The following KCTD16 variants were observed in gnomAD, a reference collection of about 807,000 sequenced individuals.
KCTD16 encodes BTB/POZ domain-containing protein KCTD16.
KCTD16 carries 13 observed loss-of-function variants against 33.2 expected under a neutral mutation model. The ratio of observed to expected loss-of-function variants is 0.39; its 90% CI spans 0.25 to 0.62. KCTD16 has a LOEUF of 0.62. KCTD16 is among the 20% of genes least tolerant of loss of function. KCTD16 has a pLI of 0.50. For synonymous variants in KCTD16, 197 were observed against 195.3 expected (o/e 1.01, Z -0.07); for missense variants, 441 against 525.1 (o/e 0.84, Z 1.57).
chr5:144,391,978 C>T (rs756325009), intron 3 of KCTD16, among the ~76,000 whole-genome samples: 2 of 152,088 alleles, frequency 1.3e-5, no homozygotes, highest in Admixed American at 6.6e-5. Context: ...GGGGAAAAAA[C>T]CATTATTTCT....
intron 3 of KCTD16, among the ~76,000 whole-genome samples, chr5:144,210,817 C>A (rs965473449): frequency 6.6e-6 from 1 of 152,126 alleles, no homozygotes; most frequent in Non-Finnish European, 1.5e-5. Flanking sequence ...CATAAGCCTA[C>A]TCATGAGTGA....
At chr5:144,273,675 A>G (rs1018126139) in intron 3 of KCTD16, among the ~76,000 whole-genome samples, 2 of 152,050 alleles carry the variant, frequency 1.3e-5, no homozygotes, top group Non-Finnish European at 1.5e-5. Context: ...GCTAGTCACA[A>G]AAAGACAAAT....
At chr5:144,404,177 G>A (rs141906136) in intron 3 of KCTD16, among the ~76,000 whole-genome samples, 269 of 152,236 alleles carry the variant, frequency 1.8e-3, no homozygotes, top group African/African-American at 6.1e-3. Context: ...GTAAGAGGAT[G>A]GAAGAAAAGA....
chr5:144,393,437 C>T (rs987606065), intron 3 of KCTD16, among the ~76,000 whole-genome samples: 3 of 152,046 alleles, frequency 2.0e-5, no homozygotes, highest in East Asian at 1.9e-4. Flanking sequence ...ATTATTAAGA[C>T]GCTGGTCAGG....
At chr5:144,366,734 A>C (rs1022681792) in intron 3 of KCTD16, among the ~76,000 whole-genome samples, 1 of 152,196 alleles carries the variant, frequency 6.6e-6, no homozygotes, top group African/African-American at 2.4e-5. Context: ...GCAAACCAAG[A>C]TCAGCCATAT....
intron 3 of KCTD16, among the ~76,000 whole-genome samples, chr5:144,413,431 T>C (rs1752977619): frequency 6.6e-6 from 1 of 152,228 alleles, no homozygotes; most frequent in Non-Finnish European, 1.5e-5. Flanking sequence ...TTATACAAGA[T>C]TTTTTAATCC....
intron 3 of KCTD16, among the ~76,000 whole-genome samples, chr5:144,454,572 T>A (rs1245596059): frequency 1.3e-5 from 2 of 152,206 alleles, no homozygotes; most frequent in Admixed American, 1.3e-4. Flanking sequence ...AGTTTGTGGT[T>A]AGGTTTCTAA....
intron 3 of KCTD16, among the ~76,000 whole-genome samples, chr5:144,269,562 T>A (rs1755238482): frequency 6.6e-6 from 1 of 152,074 alleles, no homozygotes; most frequent in South Asian, 2.1e-4. Flanking sequence ...GAGGAAATTT[T>A]TACTACTAGA....
At chr5:144,179,269 C>T (rs1426519017) in intron 2 of KCTD16, among the ~76,000 whole-genome samples, 1 of 152,172 alleles carries the variant, frequency 6.6e-6, no homozygotes, top group African/African-American at 2.4e-5. Context: ...GTTCCCCTAT[C>T]AGCCACCCCA....
chr5:144,469,985 A>C (rs1401364845), intron 3 of KCTD16, among the ~76,000 whole-genome samples: 1 of 151,000 alleles, frequency 6.6e-6, no homozygotes, highest in East Asian at 1.9e-4. Context: ...AATAAATCAG[A>C]CTTTTCTTGG....
At chr5:144,250,574 G>A (rs186438801) in intron 3 of KCTD16, among the ~76,000 whole-genome samples, 38 of 152,268 alleles carry the variant, frequency 2.5e-4, no homozygotes, top group Admixed American at 5.9e-4. Context: ...AGTTTAGTAG[G>A]CAATTTACAT....
chr5:144,452,496 AG>A (rs1230961795), intron 3 of KCTD16, among the ~76,000 whole-genome samples: 1 of 152,026 alleles, frequency 6.6e-6, no homozygotes, highest in Non-Finnish European at 1.5e-5. Flanking sequence ...AGCAAGAGAC[AG>A]GTGAGAGGGG....
intron 3 of KCTD16, among the ~76,000 whole-genome samples, chr5:144,451,649 G>A (rs1465930467): frequency 6.6e-6 from 1 of 151,980 alleles, no homozygotes; most frequent in Non-Finnish European, 1.5e-5. Context: ...CAGAAACTCA[G>A]GCATTTTATT....
intron 3 of KCTD16, among the ~76,000 whole-genome samples, chr5:144,314,657 A>C (rs180802181): frequency 3.7e-4 from 57 of 152,198 alleles, no homozygotes; most frequent in Non-Finnish European, 7.8e-4. Flanking sequence ...GAATCCAGCT[A>C]TGTTCTTCTC....
chr5:144,286,555 T>TGG (rs1755751392), intron 3 of KCTD16, among the ~76,000 whole-genome samples: 1 of 152,230 alleles, frequency 6.6e-6, no homozygotes, highest in Admixed American at 6.5e-5. Context: ...CTGTGAGGGA[T>TGG]GTTACTACTG....
At chr5:144,218,460 C>T (rs1468034896) in intron 3 of KCTD16, among the ~76,000 whole-genome samples, 1 of 152,050 alleles carries the variant, frequency 6.6e-6, no homozygotes, top group East Asian at 1.9e-4. Flanking sequence ...TATTAACAAT[C>T]CTTTTATTTC....
At chr5:144,418,943 AC>A (rs1480343887) in intron 3 of KCTD16, among the ~76,000 whole-genome samples, 2 of 151,980 alleles carry the variant, frequency 1.3e-5, no homozygotes, top group African/African-American at 4.8e-5. Context: ...GGAACACAGA[AC>A]CTTTGACCCC....
chr5:144,345,706 T>A (rs1404678882), intron 3 of KCTD16, among the ~76,000 whole-genome samples: 2 of 151,998 alleles, frequency 1.3e-5, no homozygotes, highest in African/African-American at 2.4e-5. Context: ...TAAAAAAAAA[T>A]TAGATTTTAT....
chr5:144,267,008 T>A (rs1192298748), intron 3 of KCTD16, among the ~76,000 whole-genome samples: 2 of 152,174 alleles, frequency 1.3e-5, no homozygotes, highest in Admixed American at 6.5e-5. Context: ...TTATATATAT[T>A]TTTTTCCTTG....
Sources: gnomAD v4.1 joint callset for allele counts (sites outside exome capture counted in the v4.1 genomes callset) on GRCh38, gnomAD v4.1.1 for gene constraint, MANE v1.5 for transcripts, NCBI Gene and HGNC (gene_info 2026-07-23, HGNC 2026-07-21) for gene names.